Variants in SRSF11 observed in about 807,000 individuals in gnomAD.
SRSF11 encodes serine/arginine-rich splicing factor 11.
A neutral mutation model predicts 56.0 loss-of-function variants in SRSF11; 9 were observed. The ratio of observed to expected loss-of-function variants is 0.16; its 90% confidence interval spans 0.10 to 0.28. The LOEUF (loss-of-function observed/expected upper bound fraction) is 0.28. Ranked by LOEUF, SRSF11 falls within the 10% of genes least tolerant of loss-of-function variation. The pLI, the probability that SRSF11 is intolerant of heterozygous loss-of-function variation, is 1.00. For synonymous variants in SRSF11, 222 were observed against 215.3 expected, an observed-to-expected ratio of 1.03 and a Z score of -0.27; for missense variants, 421 against 600.7, an observed-to-expected ratio of 0.70 and a Z score of 3.13.
intron 3 of SRSF11, among the ~76,000 whole-genome samples, chr1:70,234,490 A>C (rs1476931652): frequency 3.9e-5 from 6 of 152,164 alleles, no homozygotes; most frequent in African/African-American, 1.4e-4. Context: ...ATTGGACCAC[A>C]GCCATTTGTT....
chr1:70,232,487 T>A (rs947064703), intron 3 of SRSF11, 110 bp downstream of exon 3: 3 of 752,896 alleles, frequency 4.0e-6, no homozygotes, highest in Non-Finnish European at 6.6e-6. Flanking sequence ...TCAGATAGCA[T>A]TATCACATGT....
At chr1:70,233,370 T>C (rs1673258715) in intron 3 of SRSF11, among the ~76,000 whole-genome samples, 1 of 152,218 alleles carries the variant, frequency 6.6e-6, no homozygotes, top group Non-Finnish European at 1.5e-5. Flanking sequence ...GCCTCCCGAA[T>C]AGCTAGGACT....
intron 1 of SRSF11, among the ~76,000 whole-genome samples, chr1:70,206,415 A>G (rs1669027861): frequency 6.6e-6 from 1 of 152,082 alleles, no homozygotes; most frequent in Non-Finnish European, 1.5e-5. Context: ...GTGAAGATAA[A>G]AACTAGAATC....
intron 4 of SRSF11, among the ~76,000 whole-genome samples, chr1:70,235,125 C>T (rs1387416212): frequency 6.6e-6 from 1 of 151,882 alleles, no homozygotes; most frequent in Middle Eastern, 3.2e-3. Flanking sequence ...TTTAGCTAAC[C>T]TTTTTTTCTG....
intron 3 of SRSF11, among the ~76,000 whole-genome samples, chr1:70,233,482 T>C (rs1167226634): frequency 6.6e-6 from 1 of 152,170 alleles, no homozygotes; most frequent in Non-Finnish European, 1.5e-5. Context: ...TCAAGTGATC[T>C]GCCCACCTTG....
At chr1:70,210,347 G>A (rs1232215678) in intron 1 of SRSF11, among the ~76,000 whole-genome samples, 1 of 151,862 alleles carries the variant, frequency 6.6e-6, no homozygotes, top group Non-Finnish European at 1.5e-5. Flanking sequence ...TATAGAGACA[G>A]GGTCTCCCCA....
chr1:70,225,431 C>T (rs187064024), intron 1 of SRSF11, among the ~76,000 whole-genome samples: 34 of 152,222 alleles, frequency 2.2e-4, no homozygotes, highest in Non-Finnish European at 4.6e-4. Context: ...AGGTTAATGT[C>T]GTCTTTGTCA....
At chr1:70,240,773 T>A (rs1175807574) in intron 7 of SRSF11, among the ~76,000 whole-genome samples, 1 of 148,318 alleles carries the variant, frequency 6.7e-6, no homozygotes, top group Non-Finnish European at 1.5e-5. Context: ...CACTGGACTT[T>A]TTTTTTTTTT....
chr1:70,240,946 AT>A (rs936911021), intron 7 of SRSF11, among the ~76,000 whole-genome samples: 3 of 151,168 alleles, frequency 2.0e-5, no homozygotes, highest in Non-Finnish European at 4.4e-5. Context: ...CTGATTTTGT[AT>A]TTTTAGTAGA....
chr1:70,243,398 C>T (rs990831906), intron 7 of SRSF11, among the ~76,000 whole-genome samples: 1 of 133,272 alleles, frequency 7.5e-6, no homozygotes, highest in South Asian at 2.5e-4. Context: ...GGAACCATGC[C>T]GTTAAAGCTC....
rs568981364 is a variant in SRSF11 at position 70,214,791 on chromosome 1, A to G, written c.-25-6821A>G. 2.6e-5 allele frequency among the ~76,000 whole-genome samples: 4 copies of G among 152,160 alleles called. No homozygotes were observed. In the East Asian group the frequency reaches 7.7e-4, roughly 29 times the overall value. On this transcript the variant is annotated intron_variant, in intron 1 of 12. Transcript: ENST00000370950. Reference sequence around the variant, plus strand: ...GGGATTTACAATCTGATTTTTAAATAGATATTAATATTTATAAAATTGTGT... The same window carrying G: ...GGGATTTACAATCTGATTTTTAAATGGATATTAATATTTATAAAATTGTGT...
chr1:70,216,144 C>T (rs1669978610), intron 1 of SRSF11, among the ~76,000 whole-genome samples: 1 of 152,086 alleles, frequency 6.6e-6, no homozygotes, highest in Non-Finnish European at 1.5e-5. Flanking sequence ...TTTTTAGAAG[C>T]TTGAGATGGA....
At position 70,221,547 on chromosome 1, in the gene SRSF11, C is replaced by CT. The variant is rs1392929280; in HGVS notation, c.-89dup. ...GCTGTAGCATCGGACACCCTCCTCT[C>CT]TCCCGCAATCCGGTTCCTCTTCCCC... On this transcript the variant is annotated 5_prime_UTR_variant, in exon 1 of 12. Coordinates refer to ENST00000370949, the MANE Select transcript of SRSF11 (RefSeq NM_001350605.2). The CT allele has an allele frequency of 6.7e-7, 1 of 1,502,538 alleles. No individual in the cohort carries two copies. The highest frequency in any genetic ancestry group is 8.9e-7 in the Non-Finnish European group (1 of 1,119,122). The allele number at this position is 1,502,538 out of a possible 1,614,324, so 93.1% of individuals were successfully genotyped here.
chr1:70,235,737 A>G (rs1471335148), intron 5 of SRSF11, among the ~76,000 whole-genome samples, 187 bp downstream of exon 5: 2 of 152,208 alleles, frequency 1.3e-5, no homozygotes, highest in Non-Finnish European at 2.9e-5. Flanking sequence ...ATTTTGTTTC[A>G]GTGTCATTTG....
chr1:70,233,143 C>T (rs546111133), intron 3 of SRSF11, among the ~76,000 whole-genome samples: 10 of 152,050 alleles, frequency 6.6e-5, no homozygotes, highest in East Asian at 3.9e-4. Flanking sequence ...CACTTAACTC[C>T]TAGGTTATTT....
chr1:70,220,847 CA>C (rs35745145), upstream of SRSF11: 19,957 of 147,348 alleles, frequency 0.14, 1,677 homozygotes, highest in Non-Finnish European at 0.19. Context: ...GACTCTGTCT[CA>C]AAAAAAAAAG....
intron 3 of SRSF11, 63 bp downstream of exon 3, chr1:70,232,440 C>A: frequency 7.8e-7 from 1 of 1,286,878 alleles, no homozygotes; most frequent in Non-Finnish European, 1.1e-6. Flanking sequence ...TAAAGCTAAA[C>A]ATATTTGAAC....
rs745747527 is a variant in SRSF11, at chr1:70,234,703, C to T, written c.455C>T (p.Ala152Val). Residue 152 changes from alanine (A) to valine (V), a missense_variant, in exon 4 of 12, where the codon GCT (alanine) becomes GTT (valine). Around this residue, in one of 2 missense-constraint regions of SRSF11, gnomAD observed 168 missense variants for 294.9 expected, o/e 0.57. Coordinates refer to ENST00000370949, the MANE Select transcript of SRSF11 (RefSeq NM_001350605.2). ...AAATTTGCCATTTCACAGATTGGCGCTGTTCCACTGGCTGCTTTGGGGGCT... is the reference window on the plus strand; with the variant it reads ...AAATTTGCCATTTCACAGATTGGCGTTGTTCCACTGGCTGCTTTGGGGGCT... ...PTPNPLTQIG[A>V]VPLAALGAPT... The T allele has an allele frequency of 6.2e-7, 1 of 1,604,338 alleles. No individual in the cohort carries two copies. The highest frequency in any genetic ancestry group is 8.5e-7 in the Non-Finnish European group (1 of 1,177,032).
intron 1 of SRSF11, among the ~76,000 whole-genome samples, chr1:70,214,266 A>G (rs1214390224): frequency 6.6e-6 from 1 of 152,182 alleles, no homozygotes; most frequent in Non-Finnish European, 1.5e-5. Context: ...AATCTTTTAT[A>G]ACATAGAAGA....
Sources: allele counts gnomAD v4.1 joint callset (sites outside exome capture counted in the v4.1 genomes callset), GRCh38; gene constraint gnomAD v4.1.1; regional missense constraint gnomAD v4.1.1; transcripts MANE v1.5; gene names NCBI Gene and HGNC (gene_info 2026-07-23, HGNC 2026-07-21).